The following CALCRL variants were observed in gnomAD, a reference collection of about 807,000 sequenced individuals.
CALCRL encodes calcitonin receptor like receptor.
CALCRL carries 27 observed loss-of-function variants against 60.4 expected under a neutral mutation model. The ratio of observed to expected loss-of-function variants is 0.45; its 90% CI spans 0.33 to 0.62. The LOEUF is 0.62. Among genes scored for constraint, CALCRL ranks in the 20% least tolerant of loss-of-function variants. CALCRL has a pLI of 0.03. For missense variants in CALCRL, 424 were observed against 540.7 expected, an observed-to-expected ratio of 0.78 and a Z score of 2.14; for synonymous variants, 190 against 182.6, an observed-to-expected ratio of 1.04 and a Z score of -0.33.
chr2:187,366,920 C>CACACACACA (rs1491502658), intron 8 of CALCRL, among the ~76,000 whole-genome samples: 2,308 of 97,564 alleles, frequency 0.024, 64 homozygotes, highest in Middle Eastern at 0.096. Flanking sequence ...GAGTATAACC[C>CACACACACA]CACACACACA....
intron 12 of CALCRL, 54 bp downstream of exon 12, chr2:187,359,009 A>C: frequency 7.1e-7 from 1 of 1,411,142 alleles, no homozygotes; most frequent in Non-Finnish European, 1.0e-6. Context: ...CAGATGATTC[A>C]GAAATAAAGT....
At chr2:187,400,816 C>A (rs10931288) in intron 1 of CALCRL, among the ~76,000 whole-genome samples, 2 of 151,130 alleles carry the variant, frequency 1.3e-5, no homozygotes, top group Non-Finnish European at 3.0e-5. Flanking sequence ...CCCATTTATA[C>A]GAAATATCCA....
intron 1 of CALCRL, among the ~76,000 whole-genome samples, chr2:187,398,735 G>A (rs1471854393): frequency 2.0e-5 from 3 of 151,566 alleles, no homozygotes; most frequent in Non-Finnish European, 4.4e-5. Context: ...GTTGTTATTA[G>A]GGAAGCTTTT....
intron 1 of CALCRL, among the ~76,000 whole-genome samples, chr2:187,398,851 G>A (rs910416239): frequency 2.0e-5 from 3 of 151,650 alleles, no homozygotes; most frequent in African/African-American, 7.3e-5. Context: ...TCAAGTGAAG[G>A]CAATTAGCTG....
intron 12 of CALCRL, among the ~76,000 whole-genome samples, chr2:187,356,362 A>G (rs986758529): frequency 1.3e-5 from 2 of 152,166 alleles, no homozygotes; most frequent in African/African-American, 2.4e-5. Context: ...CACTTCTACA[A>G]CCATCTGATC....
At chr2:187,358,896 C>T (rs573064744) in intron 12 of CALCRL, among the ~76,000 whole-genome samples, 167 bp downstream of exon 12, 10 of 152,226 alleles carry the variant, frequency 6.6e-5, no homozygotes, top group South Asian at 2.1e-4. Context: ...GCCTTTCCTG[C>T]GCATACATCA....
chr2:187,416,629 T>C (rs1381819668), intron 1 of CALCRL, among the ~76,000 whole-genome samples: 1 of 152,166 alleles, frequency 6.6e-6, no homozygotes, highest in Non-Finnish European at 1.5e-5. Context: ...CTGATCCTTC[T>C]AGTAGATCAA....
Position 187,353,421 on chromosome 2 carries a change from T to C in CALCRL, c.910-1089A>G, listed in dbSNP as rs145416314. Among the ~76,000 whole-genome samples the C allele has an allele frequency of 6.1e-3, 930 of 152,098 alleles. 5 individuals carry two copies. Among genetic ancestry groups the C allele is most frequent in the African/African-American group, 0.021 (891 of 41,546 alleles). ...ACAGTTTAAAAATTGCAAAAAATAG[T>C]AGTTTCCCATTTATTATAGAAAAGA... On this transcript the variant is annotated intron_variant, in intron 12 of 14. Coordinates refer to ENST00000392370, the MANE Select transcript of CALCRL (RefSeq NM_005795.6).
At chr2:187,412,988 T>G in intron 1 of CALCRL, among the ~76,000 whole-genome samples, 1 of 152,226 alleles carries the variant, frequency 6.6e-6, no homozygotes, top group Non-Finnish European at 1.5e-5. Flanking sequence ...AAATATGCTT[T>G]GTTCTCTGCA....
chr2:187,404,736 G>T (rs1481508791), intron 1 of CALCRL, among the ~76,000 whole-genome samples: 1 of 151,714 alleles, frequency 6.6e-6, no homozygotes, highest in Non-Finnish European at 1.5e-5. Flanking sequence ...AAGTAAAAAA[G>T]AAACAGCATC....
intron 1 of CALCRL, among the ~76,000 whole-genome samples, chr2:187,421,633 C>T (rs910095886): frequency 6.6e-6 from 1 of 152,242 alleles, no homozygotes; most frequent in Non-Finnish European, 1.5e-5. Flanking sequence ...AGTCCTGCTA[C>T]ATTCTGTGCA....
chr2:187,387,084 T>C (rs2105793405), intron 3 of CALCRL, among the ~76,000 whole-genome samples: 2 of 152,302 alleles, frequency 1.3e-5, no homozygotes, highest in Middle Eastern at 6.8e-3. Flanking sequence ...GCAAACAATA[T>C]TTTTAAAGGA....
intron 1 of CALCRL, among the ~76,000 whole-genome samples, chr2:187,399,648 T>C (rs1300284851): frequency 6.6e-6 from 1 of 151,184 alleles, no homozygotes; most frequent in Admixed American, 6.6e-5. Flanking sequence ...TGCTCAATAA[T>C]AAAAAGAAAA....
At chr2:187,417,193 G>A (rs1689650869) in intron 1 of CALCRL, among the ~76,000 whole-genome samples, 1 of 151,690 alleles carries the variant, frequency 6.6e-6, no homozygotes, top group African/African-American at 2.4e-5. Context: ...ATATATAGAT[G>A]AAAAAACTAA....
intron 12 of CALCRL, 126 bp downstream of exon 12, chr2:187,358,937 T>G: frequency 1.3e-6 from 1 of 796,730 alleles, no homozygotes; most frequent in South Asian, 1.4e-5. Flanking sequence ...CGCTATTCAT[T>G]TAAGCACTGT....
intron 5 of CALCRL, 101 bp downstream of exon 5, chr2:187,383,072 T>C (rs1688045298): frequency 8.7e-7 from 1 of 1,154,234 alleles, no homozygotes; most frequent in Non-Finnish European, 1.2e-6. Flanking sequence ...GGTAGCAATC[T>C]ATTTTTAATA....
intron 14 of CALCRL, among the ~76,000 whole-genome samples, chr2:187,349,810 T>A (rs1686446818): frequency 6.6e-6 from 1 of 151,708 alleles, no homozygotes; most frequent in East Asian, 1.9e-4. Flanking sequence ...CTGGGCACTC[T>A]TTCTAAATAA....
chr2:187,408,056 A>G lies in CALCRL; in HGVS notation c.-292-20300T>C, dbSNP rs114187940. On this transcript the variant is annotated intron_variant, in intron 1 of 14. Transcript: ENST00000392370. ...TATTTAATTTGTAAAATAAGATACTAGACTAGATTCTCAAGGTCCTTTTTG... is the reference window on the plus strand; with the variant it reads ...TATTTAATTTGTAAAATAAGATACTGGACTAGATTCTCAAGGTCCTTTTTG... Among the ~76,000 whole-genome samples the G allele has an allele frequency of 6.0e-3, 913 of 152,206 alleles. 6 individuals carry two copies. The highest frequency in any genetic ancestry group is 0.022 in the South Asian group (107 of 4,830).
At chr2:187,383,084 T>C in intron 5 of CALCRL, 89 bp downstream of exon 5, 1 of 1,272,176 alleles carries the variant, frequency 7.9e-7, no homozygotes. Flanking sequence ...TTTTTAATAA[T>C]GGACCTAAAG....
Sources: allele counts gnomAD v4.1 joint callset (sites outside exome capture counted in the v4.1 genomes callset), GRCh38; gene constraint gnomAD v4.1.1; transcripts MANE v1.5; gene names NCBI Gene and HGNC (gene_info 2026-07-23, HGNC 2026-07-21).